CCDC158: variants seen among roughly 807,000 people sequenced by gnomAD.
The protein encoded by CCDC158 is coiled-coil domain containing 158, also known as coiled-coil domain-containing protein 158.
CCDC158 carries 116 observed loss-of-function variants against 138.6 expected under a neutral mutation model. The ratio of observed to expected loss-of-function variants is 0.84; its 90% confidence interval spans 0.72 to 0.98. CCDC158 has a LOEUF of 0.98. Ranked by LOEUF, CCDC158 falls within the 50% of genes least tolerant of loss-of-function variation. CCDC158 has a pLI of 0.00. For missense variants in CCDC158, 1,265 were observed against 1,306.1 expected (o/e 0.97, Z 0.48); for synonymous variants, 436 against 442.4 (o/e 0.99, Z 0.18).
chr4:76,416,180 A>C (rs898672262), intron 1 of CCDC158, among the ~76,000 whole-genome samples: 4 of 152,102 alleles, frequency 2.6e-5, no homozygotes, highest in Non-Finnish European at 4.4e-5. Context: ...CCAGGCAGGG[A>C]ACGGCCCCCT....
chr4:76,389,502 G>A (rs1727120059), intron 4 of CCDC158, among the ~76,000 whole-genome samples: 2 of 152,138 alleles, frequency 1.3e-5, no homozygotes, highest in South Asian at 4.1e-4. Context: ...TAAGTTACTG[G>A]CCTTAAAAGG....
chr4:76,333,729 T>C (rs1721208016), intron 19 of CCDC158, among the ~76,000 whole-genome samples: 2 of 152,228 alleles, frequency 1.3e-5, no homozygotes, highest in South Asian at 4.1e-4. Context: ...AATAAGATTA[T>C]GGATATAAAA....
chr4:76,406,073 C>A (rs939159364), intron 2 of CCDC158, among the ~76,000 whole-genome samples: 39 of 151,916 alleles, frequency 2.6e-4, no homozygotes, highest in South Asian at 2.1e-4. Flanking sequence ...TTAAAAAAAA[C>A]AACCCTGCTA....
intron 18 of CCDC158, among the ~76,000 whole-genome samples, chr4:76,346,082 G>A (rs1722516364): frequency 1.3e-5 from 2 of 152,010 alleles, no homozygotes; most frequent in South Asian, 2.1e-4. Flanking sequence ...CAGAAATAAC[G>A]CCACACATCT....
chr4:76,377,745 T>C (rs1510844), intron 9 of CCDC158, among the ~76,000 whole-genome samples: 96,171 of 151,976 alleles, frequency 0.63, 30,844 homozygotes, highest in East Asian at 0.8. Context: ...AGTCTAAGGT[T>C]GCTTAAGGTT....
intron 6 of CCDC158, 61 bp downstream of exon 6, chr4:76,384,027 A>G: frequency 8.5e-7 from 1 of 1,173,864 alleles, no homozygotes; most frequent in Non-Finnish European, 1.2e-6. Flanking sequence ...TTATACATCT[A>G]ATGCTATTCT....
chr4:76,361,552 A>G (rs1724145103), intron 13 of CCDC158, among the ~76,000 whole-genome samples: 1 of 152,026 alleles, frequency 6.6e-6, no homozygotes, highest in Admixed American at 6.5e-5. Flanking sequence ...ACAGAGTGAG[A>G]CTCTGTCTCA....
At chr4:76,414,595 G>A (rs1729544202) in intron 1 of CCDC158, among the ~76,000 whole-genome samples, 1 of 152,190 alleles carries the variant, frequency 6.6e-6, no homozygotes, top group African/African-American at 2.4e-5. Flanking sequence ...GTATCTCCCA[G>A]AATTCCCACG....
At chr4:76,321,680 A>T (rs1720021386) in intron 24 of CCDC158, among the ~76,000 whole-genome samples, 1 of 146,496 alleles carries the variant, frequency 6.8e-6, no homozygotes, top group African/African-American at 2.5e-5. Flanking sequence ...TTTTATATAT[A>T]TATATATTTA....
chr4:76,314,886 C>G (rs959340487), intron 24 of CCDC158, among the ~76,000 whole-genome samples: 1 of 152,150 alleles, frequency 6.6e-6, no homozygotes, highest in African/African-American at 2.4e-5. Context: ...TGAGCGGAAT[C>G]TGGGTGGTGA....
intron 22 of CCDC158, among the ~76,000 whole-genome samples, 169 bp from the exon 23 acceptor site, chr4:76,326,184 C>T (rs1160958211): frequency 6.6e-6 from 1 of 152,088 alleles, no homozygotes; most frequent in Non-Finnish European, 1.5e-5. Flanking sequence ...AGGGTTACGC[C>T]TTGGGAATAA....
chr4:76,372,593 A>G (rs936488503), intron 9 of CCDC158, among the ~76,000 whole-genome samples: 1 of 152,256 alleles, frequency 6.6e-6, no homozygotes, highest in African/African-American at 2.4e-5. Flanking sequence ...GTAACAAGTT[A>G]TTAGCTATTG....
chr4:76,411,659 A>G (rs1475563882), intron 2 of CCDC158, among the ~76,000 whole-genome samples: 4 of 152,206 alleles, frequency 2.6e-5, no homozygotes, highest in Non-Finnish European at 5.9e-5. Context: ...TGGAAGATGC[A>G]CAGAACTTAG....
intron 18 of CCDC158, among the ~76,000 whole-genome samples, chr4:76,350,333 C>T (rs1360642027): frequency 2.0e-5 from 3 of 152,146 alleles, no homozygotes; most frequent in East Asian, 3.9e-4. Flanking sequence ...GGTGAAACAA[C>T]AGATTACTGG....
At chr4:76,373,952 G>A (rs1289205468) in intron 9 of CCDC158, among the ~76,000 whole-genome samples, 1 of 152,000 alleles carries the variant, frequency 6.6e-6, no homozygotes, top group African/African-American at 2.4e-5. Flanking sequence ...CCAGGAGTTC[G>A]AGACCAGCCT....
chr4:76,379,651 A>G (rs1726040788), intron 8 of CCDC158, among the ~76,000 whole-genome samples: 1 of 152,132 alleles, frequency 6.6e-6, no homozygotes, highest in African/African-American at 2.4e-5. Context: ...TATATGATAG[A>G]AAATGTCCAT....
rs923707678 is a variant in CCDC158 at position 76,371,853 on chromosome 4, G to A, written c.1030-317C>T. 1.1e-4 allele frequency among the ~76,000 whole-genome samples: 17 copies of A among 151,432 alleles called. No individual in the cohort carries two copies. In the South Asian group the frequency reaches 2.9e-3, roughly 26 times the overall value. ...CTTGGGAGGCTGAGACAAGAGAATC[G>A]CTTGGACCCGGGAGGCAGAGGTTGC... On this transcript the variant is annotated intron_variant, in intron 9 of 24. Transcript: ENST00000682701.
intron 2 of CCDC158, among the ~76,000 whole-genome samples, chr4:76,409,161 T>G (rs1299310125): frequency 6.6e-6 from 1 of 152,226 alleles, no homozygotes; most frequent in Non-Finnish European, 1.5e-5. Flanking sequence ...ATATTTGTAA[T>G]TCATTTTCAC....
intron 4 of CCDC158, among the ~76,000 whole-genome samples, chr4:76,389,330 T>C (rs1018781430): frequency 6.6e-6 from 1 of 151,970 alleles, no homozygotes; most frequent in African/African-American, 2.4e-5. Flanking sequence ...TATTGAAGAA[T>C]GCATCAGATT....
Sources: gnomAD v4.1 joint callset for allele counts (sites outside exome capture counted in the v4.1 genomes callset) on GRCh38, gnomAD v4.1.1 for gene constraint, MANE v1.5 for transcripts, NCBI Gene and HGNC (gene_info 2026-07-23, HGNC 2026-07-21) for gene names.